CDYL: variants seen among roughly 807,000 people sequenced by gnomAD.
CDYL encodes chromodomain Y-like protein.
CDYL carries 8 observed loss-of-function variants against 47.3 expected under a neutral mutation model. The ratio of observed to expected loss-of-function variants is 0.17; its 90% CI spans 0.10 to 0.31. The LOEUF (loss-of-function observed/expected upper bound fraction) is 0.31, where lower values mean the gene tolerates loss of function less well. Ranked by LOEUF, CDYL falls within the 10% of genes least tolerant of loss-of-function variation. CDYL has a pLI of 1.00. For synonymous variants in CDYL, 266 were observed against 265.0 expected (o/e 1.00, Z -0.04); for missense variants, 471 against 701.4 (o/e 0.67, Z 3.71).
intron 1 of CDYL, among the ~76,000 whole-genome samples, chr6:4,713,405 G>A (rs1757188534): frequency 6.6e-6 from 1 of 152,120 alleles, no homozygotes; most frequent in Admixed American, 6.5e-5. Flanking sequence ...GATGCTAAGA[G>A]AAGGCCGCTC....
chr6:4,934,523 C>CAAGT (rs1758129657), intron 2 of CDYL, among the ~76,000 whole-genome samples: 1 of 152,176 alleles, frequency 6.6e-6, no homozygotes, highest in Non-Finnish European at 1.5e-5. Context: ...ATGCTCCGCC[C>CAAGT]TCAGAGAACT....
rs549716243 is a variant in CDYL at position 4,813,912 on chromosome 6, G to T, written c.24+37105G>T. 4.1e-3 allele frequency among the ~76,000 whole-genome samples: 614 copies of T among 150,110 alleles called. 1 individual carries two copies. The highest frequency in any genetic ancestry group is 0.014 in the African/African-American group (573 of 40,866). ...CCTCAGCCTCCCGGCTGGAACTACA[G>T]AAGTGTGCCACTATGCCTGGCTAAT... On this transcript the variant is annotated intron_variant, in intron 1 of 6. Coordinates refer to ENST00000397588, the MANE Select transcript of CDYL (RefSeq NM_004824.4).
chr6:4,823,953 C>A (rs1759910801), intron 1 of CDYL, among the ~76,000 whole-genome samples: 1 of 152,158 alleles, frequency 6.6e-6, no homozygotes, highest in Admixed American at 6.5e-5. Context: ...TTTGCCTATT[C>A]TAGATATTTG....
intron 1 of CDYL, among the ~76,000 whole-genome samples, chr6:4,709,772 A>G (rs533085334): frequency 6.0e-4 from 91 of 152,334 alleles, no homozygotes; most frequent in African/African-American, 2.0e-3. Flanking sequence ...CTCCTTGAAG[A>G]CAGGACAAAG....
At chr6:4,952,546 A>G (rs1758740220) in intron 6 of CDYL, 137 bp downstream of exon 6, 1 of 947,362 alleles carries the variant, frequency 1.1e-6, no homozygotes, top group Non-Finnish European at 1.5e-6. Flanking sequence ...AAGTCCTGCC[A>G]GAACCTATTG....
chr6:4,745,317 AACAAAAAGG>A (rs1222070393), intron 3 of CDYL, among the ~76,000 whole-genome samples: 1 of 152,204 alleles, frequency 6.6e-6, no homozygotes, highest in African/African-American at 2.4e-5. Context: ...GGACTCTATG[AACAAAAAGG>A]GGGAAAGAAA....
At chr6:4,941,795 GT>G (rs1184498990) in intron 4 of CDYL, among the ~76,000 whole-genome samples, 4 of 152,184 alleles carry the variant, frequency 2.6e-5, no homozygotes, top group African/African-American at 9.6e-5. Context: ...TCGCTTTTAT[GT>G]TAATTTATTG....
intron 1 of CDYL, among the ~76,000 whole-genome samples, chr6:4,819,450 T>C (rs1422214702): frequency 6.6e-6 from 1 of 152,134 alleles, no homozygotes; most frequent in Admixed American, 6.5e-5. Context: ...TACCAGATAG[T>C]GGTGGCTTCT....
intron 3 of CDYL, chr6:4,734,920 A>C (rs1290192958): frequency 6.3e-7 from 1 of 1,584,922 alleles, no homozygotes; most frequent in Non-Finnish European, 8.6e-7. Flanking sequence ...ATCGCCCCAC[A>C]CCACACTCTC....
At chr6:4,844,279 G>A (rs1171134703) in intron 1 of CDYL, among the ~76,000 whole-genome samples, 2 of 152,196 alleles carry the variant, frequency 1.3e-5, no homozygotes, top group Non-Finnish European at 1.5e-5. Flanking sequence ...TTGGCCTCCA[G>A]CCAGTAGGTG....
At position 4,909,592 on chromosome 6, in the gene CDYL, C is replaced by T. The variant is rs549605292; in HGVS notation, c.691+17213C>T. Among the ~76,000 whole-genome samples the T allele has an allele frequency of 6.7e-4, 101 of 151,672 alleles. 1 individual carries two copies. Among genetic ancestry groups the T allele is most frequent in the African/African-American group, 2.3e-3 (95 of 41,026 alleles). ...TACTTTTTTTTGTTTGTTTTTGAGACGGAGTCTCCCTCTGTTGCCCAAGCT... is the reference window on the plus strand; with the variant it reads ...TACTTTTTTTTGTTTGTTTTTGAGATGGAGTCTCCCTCTGTTGCCCAAGCT... On this transcript the variant is annotated intron_variant, in intron 2 of 6. Transcript: ENST00000397588.
At chr6:4,851,651 A>G (rs764273151) in intron 1 of CDYL, among the ~76,000 whole-genome samples, 25 of 152,200 alleles carry the variant, frequency 1.6e-4, no homozygotes, top group Non-Finnish European at 2.6e-4. Flanking sequence ...TTAATTCTTC[A>G]CTGCATTCGC....
chr6:4,856,257 G>A (rs1385309382), intron 1 of CDYL, among the ~76,000 whole-genome samples: 1 of 152,200 alleles, frequency 6.6e-6, no homozygotes, highest in African/African-American at 2.4e-5. Context: ...GCAGAGAGTG[G>A]GGTATGAAGA....
At chr6:4,789,355 T>C (rs1758853227) in intron 1 of CDYL, among the ~76,000 whole-genome samples, 1 of 152,194 alleles carries the variant, frequency 6.6e-6, no homozygotes, top group South Asian at 2.1e-4. Context: ...ATTGCAGACG[T>C]GACCTGCCGC....
chr6:4,917,058 G>A (rs1233555293), intron 2 of CDYL, among the ~76,000 whole-genome samples: 1 of 151,630 alleles, frequency 6.6e-6, no homozygotes, highest in Non-Finnish European at 1.5e-5. Flanking sequence ...TAGGAAAACT[G>A]TTGCTTTTCT....
intron 1 of CDYL, among the ~76,000 whole-genome samples, chr6:4,878,134 TTGA>T (rs2127476604): frequency 1.3e-5 from 2 of 152,316 alleles, no homozygotes; most frequent in East Asian, 3.9e-4. Flanking sequence ...GGTTATATCT[TTGA>T]TGTCAGATTG....
At chr6:4,794,634 T>A (rs576596212) in intron 1 of CDYL, among the ~76,000 whole-genome samples, 2 of 152,304 alleles carry the variant, frequency 1.3e-5, no homozygotes, top group African/African-American at 4.8e-5. Flanking sequence ...AATGATTTCC[T>A]GAGATGGCCA....
intron 5 of CDYL, among the ~76,000 whole-genome samples, chr6:4,950,632 C>T (rs13194494): frequency 0.02 from 3,050 of 152,264 alleles, 51 homozygotes; most frequent in Non-Finnish European, 0.032. Flanking sequence ...TCTAGAACTT[C>T]TCCAGACTCT....
At chr6:4,901,918 C>T (rs970836835) in intron 2 of CDYL, among the ~76,000 whole-genome samples, 2 of 152,180 alleles carry the variant, frequency 1.3e-5, no homozygotes, top group African/African-American at 4.8e-5. Context: ...CCATCCTTCC[C>T]GCATGGAAGC....
Sources: gnomAD v4.1 joint callset for allele counts (sites outside exome capture counted in the v4.1 genomes callset) on GRCh38, gnomAD v4.1.1 for gene constraint, MANE v1.5 for transcripts, NCBI Gene and HGNC (gene_info 2026-07-23, HGNC 2026-07-21) for gene names.